Variants in TENM3 observed in about 807,000 individuals in gnomAD.
TENM3 encodes the protein teneurin-3.
In TENM3, 63 loss-of-function variants were observed where a neutral mutation model predicts 255.1. The ratio of observed to expected loss-of-function variants is 0.25; its 90% CI spans 0.20 to 0.30. The LOEUF is 0.30. TENM3 is among the 10% of genes least tolerant of loss of function. TENM3 has a pLI of 1.00. For missense variants in TENM3, 2,929 were observed against 3,461.1 expected (o/e 0.85, Z 3.86); for synonymous variants, 1,306 against 1,322.3 (o/e 0.99, Z 0.27).
chr4:182,095,293 T>C, the TENM3 span, among the ~76,000 whole-genome samples: 4 of 152,264 alleles, frequency 2.6e-5, no homozygotes, highest in African/African-American at 4.8e-5. Context: ...CATCAACAGA[T>C]GAACCGATAA....
At chr4:181,712,963 G>C in the TENM3 span, among the ~76,000 whole-genome samples, 3 of 152,102 alleles carry the variant, frequency 2.0e-5, no homozygotes, top group African/African-American at 7.2e-5. Flanking sequence ...ACCATCATAG[G>C]GGAAGCAAGT....
At chr4:182,784,083 T>C (rs977495489) in intron 24 of TENM3, among the ~76,000 whole-genome samples, 28 of 152,364 alleles carry the variant, frequency 1.8e-4, no homozygotes, top group African/African-American at 6.7e-4. Context: ...CCAGCTTTGT[T>C]CTGTTGCTGG....
At chr4:182,603,767 A>T (rs796139372) in intron 4 of TENM3, among the ~76,000 whole-genome samples, 322 of 84,174 alleles carry the variant, frequency 3.8e-3, no homozygotes, top group Middle Eastern at 0.016. Context: ...GCAATTATTT[A>T]TATATATATA....
chr4:182,774,947 T>A lies in TENM3; in HGVS notation c.5098T>A (p.Tyr1700Asn). The change falls in exon 24 of 28, where the codon TAT (tyrosine) becomes AAT (asparagine). Residue 1700 changes from tyrosine (Y) to asparagine (N), a missense_variant. Tyr to Asn is a moderately radical substitution (Grantham distance 143). Around this residue, in one of 6 missense-constraint regions of TENM3, gnomAD observed 1,608 missense variants for 1,884.4 expected, o/e 0.85. Coordinates refer to ENST00000511685, the MANE Select transcript of TENM3 (RefSeq NM_001080477.4). ...GTTAAGAAACAGCTACCAGATTGGTTATGACGGCTCCCTCAGAATTATCTA... is the reference window on the plus strand; with the variant it reads ...GTTAAGAAACAGCTACCAGATTGGTAATGACGGCTCCCTCAGAATTATCTA... Reference protein sequence around the residue: ...DQLRNSYQIGYDGSLRIIYAS... With the variant: ...DQLRNSYQIGNDGSLRIIYAS... 6.2e-7 allele frequency: 1 copy of A among 1,613,642 alleles called. No individual in the cohort carries two copies.
chr4:182,730,360 T>C (rs1331351968), intron 15 of TENM3, 41 bp downstream of exon 15: 1 of 1,607,964 alleles, frequency 6.2e-7, no homozygotes, highest in African/African-American at 1.3e-5. Flanking sequence ...GGATTTGAAA[T>C]ATAAAAACTA....
chr4:181,619,246 G>T, the TENM3 span, among the ~76,000 whole-genome samples: 3 of 152,014 alleles, frequency 2.0e-5, no homozygotes, highest in Non-Finnish European at 4.4e-5. Context: ...CAGGCTTAGG[G>T]CTGGTTTCCC....
At chr4:182,511,775 A>T (rs1483628494) in intron 3 of TENM3, among the ~76,000 whole-genome samples, 1 of 152,200 alleles carries the variant, frequency 6.6e-6, no homozygotes, top group Non-Finnish European at 1.5e-5. Context: ...TAAAATTAGG[A>T]TCATATAAAT....
intron 1 of TENM3, among the ~76,000 whole-genome samples, chr4:182,201,768 C>T (rs567089038): frequency 5.9e-5 from 9 of 152,222 alleles, no homozygotes; most frequent in Non-Finnish European, 1.2e-4. Context: ...CTCTTGAAGT[C>T]AGATATACTT....
At chr4:181,814,512 A>C in the TENM3 span, among the ~76,000 whole-genome samples, 1 of 152,096 alleles carries the variant, frequency 6.6e-6, no homozygotes, top group Non-Finnish European at 1.5e-5. Context: ...ACAGTTAATA[A>C]ACTTCACTGA....
the TENM3 span, among the ~76,000 whole-genome samples, chr4:182,138,207 A>C: frequency 1.3e-5 from 2 of 152,232 alleles, no homozygotes; most frequent in Non-Finnish European, 2.9e-5. Flanking sequence ...ATTTGCATTT[A>C]AACAGTGCAA....
intron 5 of TENM3, among the ~76,000 whole-genome samples, chr4:182,632,103 A>C (rs1300779835): frequency 6.6e-6 from 1 of 152,202 alleles, no homozygotes; most frequent in Non-Finnish European, 1.5e-5. Context: ...TGTCCCATGT[A>C]CATATACAGC....
At chr4:182,041,847 T>C in the TENM3 span, among the ~76,000 whole-genome samples, 1 of 152,242 alleles carries the variant, frequency 6.6e-6, no homozygotes, top group Non-Finnish European at 1.5e-5. Context: ...TACAGTTCAC[T>C]TTGCAGTCCA....
At chr4:182,508,943 A>G (rs943822171) in intron 3 of TENM3, among the ~76,000 whole-genome samples, 3 of 152,244 alleles carry the variant, frequency 2.0e-5, no homozygotes, top group Non-Finnish European at 4.4e-5. Context: ...TTTCTTTTGC[A>G]TGTAAAAATG....
the TENM3 span, among the ~76,000 whole-genome samples, chr4:181,902,046 A>G: frequency 6.6e-6 from 1 of 152,130 alleles, no homozygotes; most frequent in Non-Finnish European, 1.5e-5. Context: ...ACAGAAACGT[A>G]TGGCTTTGCA....
intron 1 of TENM3, among the ~76,000 whole-genome samples, chr4:182,291,023 G>A (rs1022673815): frequency 6.6e-6 from 1 of 152,086 alleles, no homozygotes; most frequent in Non-Finnish European, 1.5e-5. Context: ...GTTTCACCAT[G>A]TTGGCCAGGC....
chr4:181,671,203 T>C, the TENM3 span, among the ~76,000 whole-genome samples: 1 of 152,162 alleles, frequency 6.6e-6, no homozygotes, highest in Non-Finnish European at 1.5e-5. Context: ...TTCCAAAAAT[T>C]ATGGTCAACT....
chr4:181,886,737 T>C, the TENM3 span, among the ~76,000 whole-genome samples: 2 of 152,232 alleles, frequency 1.3e-5, no homozygotes, highest in Non-Finnish European at 2.9e-5. Context: ...GAAGTAATTT[T>C]AAAAATTTGG....
At chr4:181,926,235 A>G in the TENM3 span, among the ~76,000 whole-genome samples, 3 of 152,248 alleles carry the variant, frequency 2.0e-5, no homozygotes, top group Admixed American at 2.0e-4. Context: ...TAGTATGTAC[A>G]GTGAATGAAA....
the TENM3 span, among the ~76,000 whole-genome samples, chr4:182,000,705 T>C: frequency 0.22 from 34,188 of 151,990 alleles, 4,005 homozygotes; most frequent in Admixed American, 0.27. Context: ...TTTGAGACTC[T>C]AAAATATTTC....
Sources: gnomAD v4.1 joint callset for allele counts (sites outside exome capture counted in the v4.1 genomes callset) on GRCh38, gnomAD v4.1.1 for gene constraint, gnomAD v4.1.1 regional missense constraint, MANE v1.5 for transcripts, NCBI Gene and HGNC (gene_info 2026-07-23, HGNC 2026-07-21) for gene names.